Variants in AGMO observed in about 807,000 individuals in gnomAD.
The protein encoded by AGMO is glyceryl-ether monooxygenase.
AGMO carries 75 observed loss-of-function variants against 60.2 expected under a neutral mutation model. The observed-to-expected ratio is 1.25, with a 90% confidence interval of 1.03 to 1.51. The LOEUF is 1.51. Among genes scored for constraint, AGMO ranks in the 40% most tolerant of loss-of-function variants. The pLI is 0.00. For synonymous variants in AGMO, 261 were observed against 177.1 expected, an observed-to-expected ratio of 1.47 and a Z score of -3.76; for missense variants, 763 against 525.5, an observed-to-expected ratio of 1.45 and a Z score of -4.42.
chr7:15,165,163 G>A, the AGMO span, among the ~76,000 whole-genome samples: 1,361 of 152,152 alleles, frequency 8.9e-3, 23 homozygotes, highest in African/African-American at 0.031. Context: ...TCTCACTTAC[G>A]GGGGGAGCTA....
chr7:15,501,228 G>A (rs1783378856), intron 3 of AGMO, among the ~76,000 whole-genome samples: 1 of 151,906 alleles, frequency 6.6e-6, no homozygotes, highest in Admixed American at 6.6e-5. Context: ...TTCAGGACCT[G>A]AATATATTTG....
intron 3 of AGMO, among the ~76,000 whole-genome samples, chr7:15,493,265 G>T (rs12699724): frequency 0.57 from 83,223 of 146,840 alleles, 25,429 homozygotes; most frequent in East Asian, 0.96. Flanking sequence ...CATATGTTTT[G>T]TTAGTCTCAT....
At chr7:15,219,184 C>T (rs1200430970) in intron 12 of AGMO, among the ~76,000 whole-genome samples, 2 of 152,118 alleles carry the variant, frequency 1.3e-5, no homozygotes, top group African/African-American at 4.8e-5. Flanking sequence ...ACAATAATCA[C>T]CCAGGCCATT....
chr7:15,188,245 G>C, the AGMO span, among the ~76,000 whole-genome samples: 1 of 152,142 alleles, frequency 6.6e-6, no homozygotes, highest in Non-Finnish European at 1.5e-5. Context: ...CCTATCACTA[G>C]TTGTATGATT....
At chr7:15,354,341 C>CACTTGTGTATATAG (rs1782380425) in intron 12 of AGMO, among the ~76,000 whole-genome samples, 1 of 34,052 alleles carries the variant, frequency 2.9e-5, no homozygotes. Flanking sequence ...CGTGTATATA[C>CACTTGTGTATATAG]ACGCGTGTAT....
At chr7:15,144,341 G>A in the AGMO span, among the ~76,000 whole-genome samples, 1 of 152,270 alleles carries the variant, frequency 6.6e-6, no homozygotes, top group Non-Finnish European at 1.5e-5. Flanking sequence ...GAACAATGAT[G>A]TTTTAATTAC....
At chr7:15,186,880 G>A in the AGMO span, among the ~76,000 whole-genome samples, 2 of 152,074 alleles carry the variant, frequency 1.3e-5, no homozygotes, top group African/African-American at 2.4e-5. Context: ...TAATGTGTCC[G>A]TAGACTTCCA....
At chr7:15,363,375 C>G (rs1327964740) in intron 12 of AGMO, among the ~76,000 whole-genome samples, 1 of 152,140 alleles carries the variant, frequency 6.6e-6, no homozygotes, top group African/African-American at 2.4e-5. Context: ...GGAGCACTTA[C>G]TATGTGTTAA....
chr7:15,168,239 G>A, the AGMO span, among the ~76,000 whole-genome samples: 1 of 152,192 alleles, frequency 6.6e-6, no homozygotes, highest in Admixed American at 6.5e-5. Flanking sequence ...CTACTGAAGG[G>A]AGAGGAGATC....
the AGMO span, among the ~76,000 whole-genome samples, chr7:15,156,895 T>C: frequency 2.0e-5 from 3 of 152,198 alleles, no homozygotes; most frequent in Non-Finnish European, 1.5e-5. Context: ...TTTCAGCACA[T>C]TGAACATATT....
chr7:15,478,551 T>G (rs1398002006), intron 3 of AGMO, among the ~76,000 whole-genome samples: 2 of 152,162 alleles, frequency 1.3e-5, no homozygotes, highest in East Asian at 3.9e-4. Context: ...GGCTGTGACT[T>G]TCCCATCTGC....
chr7:15,351,847 T>C (rs1782254522), intron 12 of AGMO, among the ~76,000 whole-genome samples: 1 of 152,302 alleles, frequency 6.6e-6, no homozygotes, highest in South Asian at 2.1e-4. Flanking sequence ...AAATGAATCA[T>C]TGAGAAAGTG....
chr7:15,512,403 C>T (rs761500657), intron 3 of AGMO, among the ~76,000 whole-genome samples: 7 of 152,172 alleles, frequency 4.6e-5, no homozygotes, highest in Non-Finnish European at 1.0e-4. Context: ...CAGGCGAATA[C>T]CACCATGCCT....
At chr7:15,555,504 A>G (rs1023723021) in intron 2 of AGMO, among the ~76,000 whole-genome samples, 88 of 151,960 alleles carry the variant, frequency 5.8e-4, no homozygotes, top group Non-Finnish European at 9.3e-4. Flanking sequence ...ATAATAAGAA[A>G]GATAATATTA....
At chr7:15,395,571 A>G (rs1784339573) in intron 5 of AGMO, among the ~76,000 whole-genome samples, 1 of 152,196 alleles carries the variant, frequency 6.6e-6, no homozygotes, top group Non-Finnish European at 1.5e-5. Context: ...ACGACAGCTG[A>G]TCCAGATTAT....
At chr7:15,271,507 T>A (rs1403235926) in intron 12 of AGMO, among the ~76,000 whole-genome samples, 2 of 152,196 alleles carry the variant, frequency 1.3e-5, no homozygotes, top group African/African-American at 2.4e-5. Context: ...TATCTTTTTA[T>A]GTTAATTTTG....
At chr7:15,135,718 T>C in the AGMO span, among the ~76,000 whole-genome samples, 1 of 149,748 alleles carries the variant, frequency 6.7e-6, no homozygotes, top group Non-Finnish European at 1.5e-5. Flanking sequence ...TTCATCTTCA[T>C]ATTTCAAGAT....
At chr7:15,456,270 T>G (rs906264833) in intron 3 of AGMO, among the ~76,000 whole-genome samples, 1 of 152,166 alleles carries the variant, frequency 6.6e-6, no homozygotes, top group Admixed American at 6.6e-5. Context: ...TCTAAGATGC[T>G]AGTATAATGT....
chr7:15,186,283 G>A, the AGMO span, among the ~76,000 whole-genome samples: 1 of 152,222 alleles, frequency 6.6e-6, no homozygotes, highest in African/African-American at 2.4e-5. Flanking sequence ...ATTGAATGCA[G>A]ATTGCAGGAT....
Sources: gnomAD v4.1 joint callset for allele counts (sites outside exome capture counted in the v4.1 genomes callset) on GRCh38, gnomAD v4.1.1 for gene constraint, MANE v1.5 for transcripts, NCBI Gene and HGNC (gene_info 2026-07-23, HGNC 2026-07-21) for gene names.